The following PARD3 variants were observed in gnomAD, a reference collection of about 807,000 sequenced individuals.
PARD3 encodes partitioning defective 3 homolog.
In PARD3, 75 loss-of-function variants were observed where a neutral mutation model predicts 155.4. The ratio of observed to expected loss-of-function variants is 0.48; its 90% CI spans 0.40 to 0.58. PARD3 has a LOEUF of 0.58. Ranked by LOEUF, PARD3 falls within the 20% of genes least tolerant of loss-of-function variation. The pLI, the probability that PARD3 is intolerant of heterozygous loss-of-function variation, is 0.00. For synonymous variants in PARD3, 576 were observed against 610.5 expected (o/e 0.94, Z 0.83); for missense variants, 1,642 against 1,721.7 (o/e 0.95, Z 0.82).
chr10:34,785,425 T>C (rs773411069), intron 1 of PARD3, among the ~76,000 whole-genome samples: 4 of 152,130 alleles, frequency 2.6e-5, no homozygotes, highest in Non-Finnish European at 5.9e-5. Flanking sequence ...AGTAAAAGCA[T>C]TTTTTGCATC....
intron 16 of PARD3, among the ~76,000 whole-genome samples, chr10:34,340,684 T>C (rs1229618368): frequency 6.6e-6 from 1 of 152,126 alleles, no homozygotes; most frequent in African/African-American, 2.4e-5. Context: ...GGAAGAGGAT[T>C]GGGGGAGTGG....
chr10:34,499,138 A>G lies in PARD3; in HGVS notation c.403+17841T>C, dbSNP rs149168445. On this transcript the variant is annotated intron_variant, in intron 3 of 24. Coordinates refer to ENST00000374788, the MANE Select transcript of PARD3 (RefSeq NM_001184785.2). ...GCTCAAGATTTTTTTCTCTAAGTAC[A>G]TGTTCTTTTTTTTTTAAGTTGATAA... is the stretch of plus-strand genomic sequence containing the variant. 6.2e-3 allele frequency among the ~76,000 whole-genome samples: 948 copies of G among 152,226 alleles called. 5 individuals are homozygous for G. The highest frequency in any genetic ancestry group is 0.01 in the Non-Finnish European group (687 of 67,998).
intron 3 of PARD3, 90 bp downstream of exon 3, chr10:34,516,889 A>G (rs1589847171): frequency 1.6e-6 from 2 of 1,229,228 alleles, no homozygotes; most frequent in East Asian, 4.7e-5. Context: ...CAGATAATTA[A>G]TTCCATTTAC....
At chr10:34,173,936 A>C (rs964496688) in intron 22 of PARD3, among the ~76,000 whole-genome samples, 1 of 152,162 alleles carries the variant, frequency 6.6e-6, no homozygotes, top group African/African-American at 2.4e-5. Flanking sequence ...GCTACAGCCA[A>C]ATCCCAAGGC....
chr10:34,317,910 C>A (rs562117568), intron 19 of PARD3, among the ~76,000 whole-genome samples: 9 of 152,270 alleles, frequency 5.9e-5, no homozygotes, highest in African/African-American at 2.2e-4. Flanking sequence ...ATCTGCACAG[C>A]CTCTGTAACT....
chr10:34,775,728 AAAG>A (rs1357797499), intron 1 of PARD3, among the ~76,000 whole-genome samples: 3 of 152,238 alleles, frequency 2.0e-5, no homozygotes, highest in South Asian at 4.1e-4. Context: ...TAAAGAAACC[AAAG>A]AAGTGGAGAG....
intron 3 of PARD3, among the ~76,000 whole-genome samples, chr10:34,476,764 A>C (rs2078734117): frequency 6.6e-6 from 1 of 152,244 alleles, no homozygotes; most frequent in African/African-American, 2.4e-5. Flanking sequence ...ACTGCAAAGC[A>C]GTCTCAGCAG....
chr10:34,418,259 C>T (rs1323663193), intron 5 of PARD3, among the ~76,000 whole-genome samples: 2 of 152,118 alleles, frequency 1.3e-5, no homozygotes, highest in African/African-American at 2.4e-5. Context: ...AATGCATACT[C>T]GACCTCCTGG....
chr10:34,450,273 G>A (rs373182150), intron 5 of PARD3, 44 bp downstream of exon 5: 29 of 1,578,340 alleles, frequency 1.8e-5, no homozygotes, highest in Admixed American at 8.8e-5. Context: ...GTATGGGACA[G>A]GATGTTACAG....
intron 7 of PARD3, among the ~76,000 whole-genome samples, chr10:34,392,818 C>T (rs1589413769): frequency 6.6e-6 from 1 of 151,960 alleles, no homozygotes; most frequent in Non-Finnish European, 1.5e-5. Flanking sequence ...CACTCTTGTC[C>T]CCCAAAGATA....
intron 1 of PARD3, among the ~76,000 whole-genome samples, chr10:34,813,169 T>C (rs868248792): frequency 6.6e-6 from 1 of 152,230 alleles, no homozygotes; most frequent in African/African-American, 2.4e-5. Context: ...AGCCTATGTC[T>C]ATTTTGTGCA....
At chr10:34,491,481 T>A (rs1379391500) in intron 3 of PARD3, among the ~76,000 whole-genome samples, 4 of 152,218 alleles carry the variant, frequency 2.6e-5, no homozygotes, top group African/African-American at 9.6e-5. Flanking sequence ...AATTTTTTCA[T>A]GAAATATGTT....
chr10:34,311,284 T>C (rs920028190), intron 20 of PARD3, among the ~76,000 whole-genome samples: 3 of 152,144 alleles, frequency 2.0e-5, no homozygotes, highest in Non-Finnish European at 4.4e-5. Context: ...TTTTTTTTAA[T>C]AGAGACAGGG....
At chr10:34,620,819 A>G (rs546646838) in intron 2 of PARD3, among the ~76,000 whole-genome samples, 1 of 152,362 alleles carries the variant, frequency 6.6e-6, no homozygotes, top group African/African-American at 2.4e-5. Context: ...CAGGAGAAAC[A>G]AGCACCCATT....
intron 22 of PARD3, among the ~76,000 whole-genome samples, chr10:34,135,062 T>C (rs745382811): frequency 8.5e-5 from 13 of 152,098 alleles, no homozygotes; most frequent in Non-Finnish European, 1.5e-4. Context: ...TTTTTTTGTG[T>C]GAGAAATATA....
intron 22 of PARD3, among the ~76,000 whole-genome samples, chr10:34,177,254 A>G (rs977406545): frequency 6.6e-6 from 1 of 152,198 alleles, no homozygotes; most frequent in Admixed American, 6.5e-5. Flanking sequence ...TGTGGAAGGT[A>G]GTAGCAAAAA....
chr10:34,432,128 T>C (rs1438699740), intron 5 of PARD3, among the ~76,000 whole-genome samples: 1 of 127,726 alleles, frequency 7.8e-6, no homozygotes, highest in African/African-American at 2.9e-5. Context: ...TAAATCAAAA[T>C]ACAGTAGGGA....
rs550603767 is a variant in PARD3 at position 34,714,850 on chromosome 10, C to T, written c.121-18431G>A. Among the ~76,000 whole-genome samples the T allele has an allele frequency of 2.0e-5, 3 of 151,148 alleles. No individual in the cohort carries two copies. The East Asian group carries it at 5.9e-4, about 30-fold the overall frequency. ...AGGGCAGTGGTGCATTCTTGGTTCA[C>T]TGCAACCTCCGCCTCCCGAGTTCAA... is the stretch of plus-strand genomic sequence containing the variant. On this transcript the variant is annotated intron_variant, in intron 1 of 24. Transcript: ENST00000374788.
At chr10:34,323,157 A>C (rs1004569714) in intron 19 of PARD3, among the ~76,000 whole-genome samples, 1 of 152,158 alleles carries the variant, frequency 6.6e-6, no homozygotes, top group Admixed American at 6.6e-5. Flanking sequence ...TATTGTTTTT[A>C]TTTCTTATTT....
Sources: allele counts gnomAD v4.1 joint callset (sites outside exome capture counted in the v4.1 genomes callset), GRCh38; gene constraint gnomAD v4.1.1; transcripts MANE v1.5; gene names NCBI Gene and HGNC (gene_info 2026-07-23, HGNC 2026-07-21).